Variants in CDH13 observed in about 807,000 individuals in gnomAD.
CDH13 encodes cadherin 13, also known as cadherin-13.
In CDH13, 24 loss-of-function variants were observed where a neutral mutation model predicts 63.8. That is an observed-to-expected ratio of 0.38 (90% CI 0.27 to 0.53). CDH13 has a LOEUF of 0.53. Among genes scored for constraint, CDH13 ranks in the 20% least tolerant of loss-of-function variants. The probability of loss-of-function intolerance (pLI) is 0.85; values close to 1 mark genes in which losing one functional copy is unlikely to be tolerated. For missense variants in CDH13, 1,049 were observed against 903.1 expected (o/e 1.16, Z -2.07); for synonymous variants, 503 against 355.3 (o/e 1.42, Z -4.67).
chr16:82,920,528 C>A (rs1011808468), intron 2 of CDH13, among the ~76,000 whole-genome samples: 3 of 152,206 alleles, frequency 2.0e-5, no homozygotes, highest in Non-Finnish European at 1.5e-5. Flanking sequence ...AATGGAGTCA[C>A]CCCATCTGTA....
chr16:83,042,916 C>A (rs539406217), intron 3 of CDH13, among the ~76,000 whole-genome samples: 3 of 152,192 alleles, frequency 2.0e-5, no homozygotes, highest in Non-Finnish European at 4.4e-5. Context: ...TTAATATGCC[C>A]TGATTTAACA....
intron 6 of CDH13, among the ~76,000 whole-genome samples, chr16:83,370,610 C>T (rs1250545968): frequency 6.6e-6 from 1 of 151,926 alleles, no homozygotes; most frequent in Non-Finnish European, 1.5e-5. Flanking sequence ...TTGTTCTCAC[C>T]CTCTTCCCAC....
chr16:83,707,656 A>T (rs577860390), intron 10 of CDH13, among the ~76,000 whole-genome samples: 1 of 152,084 alleles, frequency 6.6e-6, no homozygotes, highest in African/African-American at 2.4e-5. Flanking sequence ...CAGCTCTTAG[A>T]TTCCCCGTGT....
At chr16:82,646,859 T>C (rs1366925444) in intron 1 of CDH13, among the ~76,000 whole-genome samples, 1 of 152,012 alleles carries the variant, frequency 6.6e-6, no homozygotes, top group African/African-American at 2.4e-5. Flanking sequence ...TGAGTCCAGA[T>C]CTGAAGCAGA....
At chr16:83,049,012 G>T (rs1453816587) in intron 3 of CDH13, among the ~76,000 whole-genome samples, 1 of 152,184 alleles carries the variant, frequency 6.6e-6, no homozygotes, top group Non-Finnish European at 1.5e-5. Context: ...CGTGGAAACT[G>T]AACAGCTGAT....
chr16:83,456,365 C>A (rs1431992565), intron 6 of CDH13, among the ~76,000 whole-genome samples: 1 of 152,176 alleles, frequency 6.6e-6, no homozygotes, highest in African/African-American at 2.4e-5. Flanking sequence ...AAAGAGGATA[C>A]AGAAATAGAT....
At chr16:82,893,970 T>G (rs1311708622) in intron 2 of CDH13, among the ~76,000 whole-genome samples, 1 of 152,212 alleles carries the variant, frequency 6.6e-6, no homozygotes, top group Non-Finnish European at 1.5e-5. Context: ...TAATCCAGTC[T>G]ACACAGAGAG....
At chr16:83,102,590 C>A in intron 3 of CDH13, among the ~76,000 whole-genome samples, 1 of 152,070 alleles carries the variant, frequency 6.6e-6, no homozygotes. Flanking sequence ...CTGGAAGCTA[C>A]GAAGCAGAGG....
At chr16:83,435,877 G>A (rs2072284146) in intron 6 of CDH13, among the ~76,000 whole-genome samples, 1 of 152,184 alleles carries the variant, frequency 6.6e-6, no homozygotes, top group African/African-American at 2.4e-5. Context: ...GAGGAATTGT[G>A]TGGCTAACAC....
At chr16:83,042,866 C>G (rs74030369) in intron 3 of CDH13, among the ~76,000 whole-genome samples, 1,936 of 152,308 alleles carry the variant, frequency 0.013, 41 homozygotes, top group African/African-American at 0.045. Context: ...TGCACATTTG[C>G]TGTGACCATA....
At chr16:83,636,355 C>T (rs780564322) in intron 8 of CDH13, among the ~76,000 whole-genome samples, 3 of 152,012 alleles carry the variant, frequency 2.0e-5, no homozygotes, top group Non-Finnish European at 4.4e-5. Flanking sequence ...AGGTTTGTTA[C>T]GAAGGTATAT....
chr16:82,829,631 C>T (rs908941723), intron 1 of CDH13: 3 of 152,022 alleles, frequency 2.0e-5, no homozygotes, highest in African/African-American at 7.3e-5. Flanking sequence ...AAATTCCGTT[C>T]CTTCTTACAC....
chr16:82,964,316 C>T (rs1252307369), intron 2 of CDH13, among the ~76,000 whole-genome samples: 2 of 152,186 alleles, frequency 1.3e-5, no homozygotes, highest in African/African-American at 4.8e-5. Flanking sequence ...TCCCAAAGGG[C>T]TTACTAGACT....
At chr16:83,606,997 G>A (rs769332927) in intron 8 of CDH13, among the ~76,000 whole-genome samples, 1 of 151,986 alleles carries the variant, frequency 6.6e-6, no homozygotes, top group Non-Finnish European at 1.5e-5. Flanking sequence ...CATCTCTGTA[G>A]CCTCCCTTAC....
At chr16:82,680,947 A>G (rs1914476222) in intron 1 of CDH13, among the ~76,000 whole-genome samples, 1 of 152,236 alleles carries the variant, frequency 6.6e-6, no homozygotes, top group Non-Finnish European at 1.5e-5. Context: ...TCTAGTGGAA[A>G]GCCAGAGAAG....
intron 3 of CDH13, among the ~76,000 whole-genome samples, chr16:83,080,871 G>GTGTTTTTTTTT (rs2033184161): frequency 2.1e-5 from 1 of 46,928 alleles, no homozygotes; most frequent in Non-Finnish European, 3.5e-5. Flanking sequence ...TTGTTTTTGT[G>GTGTTTTTTTTT]TTTTTTTTTT....
chr16:83,410,147 G>A (rs2092105264), intron 6 of CDH13, among the ~76,000 whole-genome samples: 1 of 152,134 alleles, frequency 6.6e-6, no homozygotes, highest in Non-Finnish European at 1.5e-5. Flanking sequence ...TAGAGCGCAT[G>A]GTTTTATCAG....
chr16:83,575,590 A>C (rs1905034655), intron 7 of CDH13, among the ~76,000 whole-genome samples: 1 of 152,038 alleles, frequency 6.6e-6, no homozygotes. Context: ...GGGCCTTTGC[A>C]CATGCTATTC....
intron 1 of CDH13, among the ~76,000 whole-genome samples, chr16:82,748,569 C>T (rs1406879064): frequency 6.6e-6 from 1 of 151,852 alleles, no homozygotes; most frequent in Non-Finnish European, 1.5e-5. Flanking sequence ...GGATTGTGAC[C>T]TCAGTTTGAG....
Sources: gnomAD v4.1 joint callset for allele counts (sites outside exome capture counted in the v4.1 genomes callset) on GRCh38, gnomAD v4.1.1 for gene constraint, MANE v1.5 for transcripts, NCBI Gene and HGNC (gene_info 2026-07-23, HGNC 2026-07-21) for gene names.